EPHA6: variants seen among roughly 807,000 people sequenced by gnomAD.
EPHA6 encodes the protein ephrin type-A receptor 6.
In EPHA6, 50 loss-of-function variants were observed where a neutral mutation model predicts 112.0. That is an observed-to-expected ratio of 0.45 (90% CI 0.36 to 0.56). The LOEUF is 0.56. Among genes scored for constraint, EPHA6 ranks in the 20% least tolerant of loss-of-function variants. The probability of loss-of-function intolerance (pLI) is 0.00; values close to 1 mark genes in which losing one functional copy is unlikely to be tolerated. For synonymous variants in EPHA6, 529 were observed against 490.7 expected (o/e 1.08, Z -1.03); for missense variants, 1,280 against 1,417.4 (o/e 0.90, Z 1.56).
At chr3:97,168,450 A>T (rs899313942) in intron 3 of EPHA6, among the ~76,000 whole-genome samples, 1 of 151,776 alleles carries the variant, frequency 6.6e-6, no homozygotes, top group African/African-American at 2.4e-5. Context: ...TTCTCAGGAG[A>T]TCTGGTTGTT....
chr3:96,923,987 G>T (rs2039906586), intron 2 of EPHA6, among the ~76,000 whole-genome samples: 2 of 151,842 alleles, frequency 1.3e-5, no homozygotes, highest in Non-Finnish European at 2.9e-5. Context: ...TTCTTTACTT[G>T]GTTACATTGG....
At chr3:97,398,487 A>T (rs757790063) in intron 5 of EPHA6, among the ~76,000 whole-genome samples, 37 of 151,434 alleles carry the variant, frequency 2.4e-4, no homozygotes, top group Admixed American at 4.0e-4. Context: ...ATGGCAAATT[A>T]TCTGAGCACT....
At chr3:97,238,405 T>TA (rs2078742417) in intron 4 of EPHA6, among the ~76,000 whole-genome samples, 1 of 152,002 alleles carries the variant, frequency 6.6e-6, no homozygotes, top group Non-Finnish European at 1.5e-5. Context: ...ATATAATTCT[T>TA]AGAGAATTGC....
intron 11 of EPHA6, among the ~76,000 whole-genome samples, chr3:97,542,026 A>G (rs1463813369): frequency 6.6e-6 from 1 of 151,740 alleles, no homozygotes; most frequent in East Asian, 1.9e-4. Context: ...CGAGGGCAGG[A>G]AGCATCCAGC....
chr3:97,205,384 T>C (rs2077689194), intron 3 of EPHA6, among the ~76,000 whole-genome samples: 1 of 151,944 alleles, frequency 6.6e-6, no homozygotes, highest in Admixed American at 6.6e-5. Context: ...TTATTAAATA[T>C]AATTATAGTA....
rs12637663 is a variant in EPHA6, at chr3:97,314,012, G to T, written c.1606+69725G>T. Among the ~76,000 whole-genome samples, 1,256 of 151,470 alleles carry T rather than the reference G, an allele frequency of 8.3e-3. 63 individuals are homozygous for T. In the East Asian group the frequency reaches 0.13, roughly 16 times the overall value. ...TTTTCTTCTAATACCATTAGTTTCA[G>T]GTCTTACATGTAAGTCTTTTATCCA... is the stretch of plus-strand genomic sequence containing the variant. On this transcript the variant is annotated intron_variant, in intron 5 of 17. Coordinates refer to ENST00000389672, the MANE Select transcript of EPHA6 (RefSeq NM_001080448.3).
rs1376145043 is a variant in EPHA6, at chr3:96,915,876, G to GA, written c.450+48994dup. 7.9e-5 allele frequency among the ~76,000 whole-genome samples: 12 copies of GA among 152,038 alleles called. No homozygotes were observed. The East Asian group carries it at 1.4e-3, about 17-fold the overall frequency. On this transcript the variant is annotated intron_variant, in intron 2 of 17. Transcript: ENST00000389672. Reference sequence around the variant, plus strand: ...TGTTTTATGCCAGTTTTATACATGAGAAAAAAACATCTGGGAAATAGGAAT... The same window carrying GA: ...TGTTTTATGCCAGTTTTATACATGAGAAAAAAAACATCTGGGAAATAGGAAT...
At chr3:97,148,483 T>A (rs2076094763) in intron 3 of EPHA6, among the ~76,000 whole-genome samples, 1 of 152,010 alleles carries the variant, frequency 6.6e-6, no homozygotes, top group Non-Finnish European at 1.5e-5. Context: ...AAAATGCATA[T>A]CTTTTTCAAA....
At chr3:97,434,157 G>A (rs1025269162) in intron 6 of EPHA6, among the ~76,000 whole-genome samples, 2 of 151,990 alleles carry the variant, frequency 1.3e-5, no homozygotes, top group African/African-American at 4.8e-5. Flanking sequence ...GTGACATTTA[G>A]CTGTATTGCA....
intron 5 of EPHA6, among the ~76,000 whole-genome samples, chr3:97,401,581 C>G (rs532569438): frequency 6.6e-6 from 1 of 151,424 alleles, no homozygotes; most frequent in Non-Finnish European, 1.5e-5. Context: ...TTTTCTTAGT[C>G]TAGTTAAAGG....
chr3:97,268,684 T>C (rs1046927998), intron 5 of EPHA6, among the ~76,000 whole-genome samples: 1 of 152,158 alleles, frequency 6.6e-6, no homozygotes, highest in Non-Finnish European at 1.5e-5. Context: ...AAAAATGATG[T>C]TGGTGATATG....
intron 3 of EPHA6, among the ~76,000 whole-genome samples, chr3:97,094,983 A>C (rs1455651265): frequency 1.3e-5 from 2 of 151,126 alleles, no homozygotes; most frequent in African/African-American, 2.5e-5. Flanking sequence ...TGGAAGTTTT[A>C]GTTTTCTTAT....
chr3:97,060,923 C>CAAAAAAAA lies in EPHA6; in HGVS notation c.1114+72950_1114+72957dup, dbSNP rs71623565. On this transcript the variant is annotated intron_variant, in intron 3 of 17. Coordinates refer to ENST00000389672, the MANE Select transcript of EPHA6 (RefSeq NM_001080448.3). ...TGGGCGACAGAGCCAGACTCCGTCT[C>CAAAAAAAA]AAAAAAAAAAAAAAAAAAAAAAAAA... Among the ~76,000 whole-genome samples, 11 of 21,240 alleles carry CAAAAAAAA rather than the reference C, an allele frequency of 5.2e-4. 1 individual carries two copies. The highest frequency in any genetic ancestry group is 2.3e-3 in the South Asian group (1 of 440). 13.9% of individuals were successfully genotyped at this position (21,240 alleles called of 152,430 possible). A position where few individuals can be genotyped will look rare whatever the true frequency, so the allele number is the denominator to read the frequency against.
intron 13 of EPHA6, among the ~76,000 whole-genome samples, chr3:97,612,904 T>C (rs2093732400): frequency 6.6e-6 from 1 of 152,128 alleles, no homozygotes; most frequent in South Asian, 2.1e-4. Context: ...AGAGCAAGGA[T>C]TCAAACTCAA....
chr3:97,091,102 A>G (rs932579938), intron 3 of EPHA6, among the ~76,000 whole-genome samples: 1 of 152,112 alleles, frequency 6.6e-6, no homozygotes, highest in Non-Finnish European at 1.5e-5. Context: ...CCATTTTCCC[A>G]GGACAACAGG....
chr3:97,572,841 A>AT (rs978357895), intron 11 of EPHA6: 5 of 152,048 alleles, frequency 3.3e-5, no homozygotes, highest in Non-Finnish European at 7.4e-5. Flanking sequence ...AATTGTTATA[A>AT]TTTTTTCATT....
chr3:97,199,787 CAT>C (rs2077533569), intron 3 of EPHA6, among the ~76,000 whole-genome samples: 1 of 152,136 alleles, frequency 6.6e-6, no homozygotes, highest in Non-Finnish European at 1.5e-5. Flanking sequence ...CAGATATTAA[CAT>C]ATTGTTTACA....
At chr3:97,631,159 G>A (rs1169524918) in intron 13 of EPHA6, among the ~76,000 whole-genome samples, 1 of 152,020 alleles carries the variant, frequency 6.6e-6, no homozygotes, top group Non-Finnish European at 1.5e-5. Flanking sequence ...AAAGTAAGTG[G>A]AAAGAGGCAG....
At chr3:97,371,153 G>A (rs1467151914) in intron 5 of EPHA6, among the ~76,000 whole-genome samples, 1 of 151,598 alleles carries the variant, frequency 6.6e-6, no homozygotes, top group Non-Finnish European at 1.5e-5. Context: ...AATTCAGCAT[G>A]GCATTTTAGG....
Sources: allele counts gnomAD v4.1 joint callset (sites outside exome capture counted in the v4.1 genomes callset), GRCh38; gene constraint gnomAD v4.1.1; transcripts MANE v1.5; gene names NCBI Gene and HGNC (gene_info 2026-07-23, HGNC 2026-07-21).